Variants in ERC1 observed in about 807,000 individuals in gnomAD.
The protein encoded by ERC1 is ELKS/RAB6-interacting/CAST family member 1.
A neutral mutation model predicts 132.0 loss-of-function variants in ERC1; 56 were observed. The ratio of observed to expected loss-of-function variants is 0.42; its 90% CI spans 0.34 to 0.53. ERC1 has a LOEUF of 0.53. Among genes scored for constraint, ERC1 ranks in the 20% least tolerant of loss-of-function variants. ERC1 has a pLI of 0.03. For synonymous variants in ERC1, 478 were observed against 476.1 expected, an observed-to-expected ratio of 1.00 and a Z score of -0.05; for missense variants, 1,202 against 1,349.9, an observed-to-expected ratio of 0.89 and a Z score of 1.72.
At chr12:1,017,177 A>C (rs1321183826) in intron 1 of ERC1, among the ~76,000 whole-genome samples, 1 of 151,658 alleles carries the variant, frequency 6.6e-6, no homozygotes, top group Non-Finnish European at 1.5e-5. Context: ...TTGTATTTTT[A>C]GTAGAGACGG....
intron 13 of ERC1, among the ~76,000 whole-genome samples, chr12:1,255,102 A>AC: frequency 6.7e-6 from 1 of 150,048 alleles, no homozygotes; most frequent in Admixed American, 6.7e-5. Flanking sequence ...CCAGCCCCAA[A>AC]CCCCCCCAAC....
At position 1,418,619 on chromosome 12, in the gene ERC1, CTTTCTT is replaced by C. The variant is rs1166498293; in HGVS notation, c.3024+10374_3024+10379del. 1.4e-3 allele frequency among the ~76,000 whole-genome samples: 183 copies of C among 126,782 alleles called. 2 individuals are homozygous for C. Among genetic ancestry groups the C allele is most frequent in the African/African-American group, 6.0e-3 (154 of 25,878 alleles). The allele number at this position is 126,782 out of a possible 152,430, so 83.2% of individuals were successfully genotyped here. A position where few individuals can be genotyped will look rare whatever the true frequency, so the allele number is the denominator to read the frequency against. Reference sequence around the variant, plus strand: ...TCTTTCTTTCTTTCTTTCTTTCTTTCTTTCTTTCTTTCTTTCTTTCTTTCTCTCTCT... The same window carrying C: ...TCTTTCTTTCTTTCTTTCTTTCTTTCTCTTTCTTTCTTTCTTTCTCTCTCT... On this transcript the variant is annotated intron_variant, in intron 17 of 18. Coordinates refer to ENST00000360905, the MANE Select transcript of ERC1 (RefSeq NM_178040.4).
intron 15 of ERC1, among the ~76,000 whole-genome samples, chr12:1,335,179 A>T (rs1454110050): frequency 6.6e-6 from 1 of 152,118 alleles, no homozygotes; most frequent in African/African-American, 2.4e-5. Context: ...GCAAACAGGG[A>T]TAGTTTAATT....
chr12:1,334,205 TTC>T (rs1176790428), intron 15 of ERC1, among the ~76,000 whole-genome samples: 19 of 152,316 alleles, frequency 1.2e-4, no homozygotes, highest in African/African-American at 4.3e-4. Context: ...TGTTGAAAGT[TTC>T]TTTTGCTGTA....
At chr12:1,231,684 T>C (rs564363672) in intron 12 of ERC1, among the ~76,000 whole-genome samples, 31 of 148,652 alleles carry the variant, frequency 2.1e-4, no homozygotes, top group East Asian at 7.8e-4. Context: ...TTTTTTTTTT[T>C]CCCTCTGATG....
chr12:1,411,360 G>A (rs905499501), intron 17 of ERC1, among the ~76,000 whole-genome samples: 1 of 152,152 alleles, frequency 6.6e-6, no homozygotes, highest in Non-Finnish European at 1.5e-5. Flanking sequence ...CCTGGAGTCA[G>A]TTCTCCCTGA....
intron 15 of ERC1, among the ~76,000 whole-genome samples, chr12:1,298,210 G>A (rs1594844648): frequency 6.6e-6 from 1 of 152,160 alleles, no homozygotes. Context: ...GTTAGCTGTA[G>A]AGCAACTACC....
At position 1,494,568 on chromosome 12, in the gene ERC1, C is replaced by T; in HGVS notation, c.*4338C>T. On this transcript the variant is annotated 3_prime_UTR_variant, in exon 19 of 19. Coordinates refer to ENST00000360905, the MANE Select transcript of ERC1 (RefSeq NM_178040.4). ...TAGTGTCAAAAATGTAACCAACTGT[C>T]TCCTGATTTTTTCCAATGTGTTTGG... 4.3e-6 allele frequency: 1 copy of T among 231,296 alleles called. No homozygotes were observed. 14.3% of individuals were successfully genotyped at this position (231,296 alleles called of 1,614,324 possible).
intron 3 of ERC1, among the ~76,000 whole-genome samples, chr12:1,092,083 G>C (rs1165506411): frequency 6.8e-6 from 1 of 148,148 alleles, no homozygotes; most frequent in African/African-American, 2.5e-5. Flanking sequence ...ACTGCAACCT[G>C]CGCCCCCTGG....
intron 7 of ERC1, among the ~76,000 whole-genome samples, chr12:1,123,276 C>A (rs1255977901): frequency 2.0e-5 from 3 of 151,602 alleles, no homozygotes; most frequent in African/African-American, 7.3e-5. Context: ...AGAGTAAAAC[C>A]CAGTTTACCC....
At chr12:1,125,433 C>T (rs1198754044) in intron 7 of ERC1, among the ~76,000 whole-genome samples, 2 of 152,120 alleles carry the variant, frequency 1.3e-5, no homozygotes, top group African/African-American at 4.8e-5. Context: ...AAAAGATACT[C>T]CATGTCAATA....
chr12:1,267,722 A>G (rs2077567042), intron 14 of ERC1, among the ~76,000 whole-genome samples: 1 of 152,196 alleles, frequency 6.6e-6, no homozygotes, highest in Non-Finnish European at 1.5e-5. Context: ...TGATTGTACC[A>G]CTGCATCCCA....
chr12:1,183,609 A>C (rs1195010303), intron 11 of ERC1, among the ~76,000 whole-genome samples, 188 bp downstream of exon 11: 2 of 152,192 alleles, frequency 1.3e-5, no homozygotes, highest in African/African-American at 4.8e-5. Flanking sequence ...ATAATCCCCA[A>C]ATCTTTAAAA....
At chr12:1,324,946 G>T (rs2082348937) in intron 15 of ERC1, among the ~76,000 whole-genome samples, 1 of 152,136 alleles carries the variant, frequency 6.6e-6, no homozygotes, top group Non-Finnish European at 1.5e-5. Context: ...GCCCACACAG[G>T]AGGCAACTTA....
chr12:1,213,057 A>G (rs1275128391), intron 12 of ERC1, among the ~76,000 whole-genome samples: 3 of 152,196 alleles, frequency 2.0e-5, no homozygotes, highest in Non-Finnish European at 2.9e-5. Flanking sequence ...TTAGTTGTCT[A>G]GTAATCCCGA....
rs566251746 is a variant in ERC1 at position 1,265,928 on chromosome 12, G to A, written c.2619+2763G>A. Among the ~76,000 whole-genome samples the A allele has an allele frequency of 9.2e-5, 14 of 152,186 alleles. No individual in the cohort carries two copies. The South Asian group carries it at 2.3e-3, about 25-fold the overall frequency. On this transcript the variant is annotated intron_variant, in intron 14 of 18. Transcript: ENST00000360905. ...TGATATTCCATTGTATGGATATGCC[G>A]CAGTTTGTTCATTCCTTCAGCTGTT...
intron 18 of ERC1, chr12:1,480,745 T>C (rs2094073415): frequency 1.5e-6 from 1 of 679,102 alleles, no homozygotes. Context: ...GGGGTGTGGG[T>C]AGTGGGCAGG....
intron 15 of ERC1, among the ~76,000 whole-genome samples, chr12:1,344,529 A>C (rs2084248888): frequency 6.6e-6 from 1 of 152,208 alleles, no homozygotes; most frequent in Non-Finnish European, 1.5e-5. Flanking sequence ...AAAGCTGACA[A>C]TCCTCAGCCA....
intron 1 of ERC1, among the ~76,000 whole-genome samples, chr12:1,007,540 C>CTCTCTCTCTCTCTCTCTGTGTGTGTG (rs1555194875): frequency 1.4e-4 from 17 of 122,784 alleles, no homozygotes; most frequent in African/African-American, 6.4e-4. Flanking sequence ...CTCTCTCTCT[C>CTCTCTCTCTCTCTCTCTGTGTGTGTG]TGTGTGTGTG....
Sources: gnomAD v4.1 joint callset for allele counts (sites outside exome capture counted in the v4.1 genomes callset) on GRCh38, gnomAD v4.1.1 for gene constraint, MANE v1.5 for transcripts, NCBI Gene and HGNC (gene_info 2026-07-23, HGNC 2026-07-21) for gene names.